The following ERI1 variants were observed in gnomAD, a reference collection of about 807,000 sequenced individuals.
ERI1 encodes exoribonuclease 1, also known as 3'-5' exoribonuclease 1.
In ERI1, 39 loss-of-function variants were observed where a neutral mutation model predicts 39.7. The ratio of observed to expected loss-of-function variants is 0.98; its 90% confidence interval spans 0.76 to 1.28. ERI1 has a LOEUF of 1.28. Among genes scored for constraint, ERI1 ranks in the 50% most tolerant of loss-of-function variants. ERI1 has a pLI of 0.00. For missense variants in ERI1, 581 were observed against 416.9 expected, an observed-to-expected ratio of 1.39 and a Z score of -3.43; for synonymous variants, 204 against 149.6, an observed-to-expected ratio of 1.36 and a Z score of -2.65.
chr8:9,047,934 A>G (rs747893289), intron 3 of ERI1, among the ~76,000 whole-genome samples: 6 of 152,324 alleles, frequency 3.9e-5, no homozygotes, highest in Non-Finnish European at 7.3e-5. Context: ...ATCTCTTCAA[A>G]CAAGTCCAAG....
intron 3 of ERI1, among the ~76,000 whole-genome samples, chr8:9,071,087 C>G (rs1469102507): frequency 6.6e-6 from 1 of 152,150 alleles, no homozygotes; most frequent in Non-Finnish European, 1.5e-5. Flanking sequence ...CTTTCTTGGC[C>G]TGTTTGGAAA....
Position 9,009,232 on chromosome 8 carries a change from A to G in ERI1, c.287+1084A>G, listed in dbSNP as rs111531782. The G allele has an allele frequency of 3.6e-3, 1,260 of 346,464 alleles. 15 individuals carry two copies. Among genetic ancestry groups the G allele is most frequent in the African/African-American group, 0.026 (1,187 of 46,380 alleles). The allele number at this position is 346,464 out of a possible 1,614,324, so 21.5% of individuals were successfully genotyped here. A position where few individuals can be genotyped will look rare whatever the true frequency, so the allele number is the denominator to read the frequency against. The stretch of plus-strand genomic sequence containing the variant: ...AAAGGTAAATACAGATATGTTCCCC[A>G]CTTTGGCAATCTCAGTCTTTTGGGA... On this transcript the variant is annotated intron_variant, in intron 2 of 6. Transcript: ENST00000250263.
Position 9,020,445 on chromosome 8 carries a change from C to T in ERI1, c.788C>T (p.Ser263Leu), listed in dbSNP as rs1289583390. Residue 263 changes from serine to leucine, a missense_variant, in exon 6 of 7, where the codon TCA becomes TTA. Coordinates refer to ENST00000250263, the MANE Select transcript of ERI1 (RefSeq NM_153332.4). ...AAAAAGTGGATCAATATTCGGAAGTCATATGGAAATTTTTACAAGGTAAAA... is the reference window on the plus strand; with the variant it reads ...AAAAAGTGGATCAATATTCGGAAGTTATATGGAAATTTTTACAAGGTAAAA... ...FAKKWINIRK[S>L]YGNFYKVPRS... The T allele has an allele frequency of 1.3e-6, 2 of 1,597,320 alleles. No homozygotes were observed. Among genetic ancestry groups the T allele is most frequent in the Non-Finnish European group, 1.7e-6 (2 of 1,172,360 alleles).
chr8:9,053,216 C>T (rs544938239), intron 3 of ERI1, among the ~76,000 whole-genome samples: 67 of 152,268 alleles, frequency 4.4e-4, no homozygotes, highest in African/African-American at 1.4e-3. Context: ...GGGGTTTTGC[C>T]ATGTTGGCCC....
downstream of ERI1, among the ~76,000 whole-genome samples, chr8:9,037,987 T>G (rs951246743): frequency 6.6e-6 from 1 of 152,044 alleles, no homozygotes; most frequent in Non-Finnish European, 1.5e-5. Context: ...TTTTCAAACT[T>G]TTTTGCACAA....
intron 6 of ERI1, among the ~76,000 whole-genome samples, chr8:9,028,360 C>A (rs905897047): frequency 4.5e-4 from 68 of 152,280 alleles, no homozygotes; most frequent in African/African-American, 1.5e-3. Flanking sequence ...GTTGGGCAAA[C>A]TATTTTTAGA....
intron 3 of ERI1, among the ~76,000 whole-genome samples, chr8:9,065,682 G>A (rs1430621524): frequency 1.4e-4 from 15 of 109,332 alleles, no homozygotes; most frequent in East Asian, 5.3e-4. Flanking sequence ...GCAACAGAGC[G>A]AGACTCCATC....
chr8:9,050,087 C>G (rs1052291634), intron 3 of ERI1, among the ~76,000 whole-genome samples: 10 of 151,900 alleles, frequency 6.6e-5, no homozygotes, highest in Non-Finnish European at 1.5e-4. Context: ...TAATACTATA[C>G]CCCTCACAGT....
chr8:9,005,135 G>C (rs1230239657), intron 1 of ERI1, among the ~76,000 whole-genome samples: 2 of 152,128 alleles, frequency 1.3e-5, no homozygotes, highest in Non-Finnish European at 2.9e-5. Flanking sequence ...GATTTCATCA[G>C]AACTCTCCTT....
Position 9,016,353 on chromosome 8 carries a change from A to G in ERI1, c.530A>G (p.Glu177Gly). ...EDTFQQYVRP[E>G]INTQLSDFCI... ...ACGTTTCAGCAGTATGTAAGACCAGAGATTAACACACAGCTGTCTGATTTC... is the reference window on the plus strand; with the variant it reads ...ACGTTTCAGCAGTATGTAAGACCAGGGATTAACACACAGCTGTCTGATTTC... Residue 177 changes from glutamate (E) to glycine (G), a missense_variant, in exon 4 of 7, where the codon GAG (glutamate) becomes GGG (glycine). Physicochemically the swap from Glu to Gly is moderately conservative, Grantham distance 98. Coordinates refer to ENST00000250263, the MANE Select transcript of ERI1 (RefSeq NM_153332.4). 1 of 1,607,352 alleles carries G rather than the reference A, an allele frequency of 6.2e-7. No homozygotes were observed.
At chr8:9,065,895 C>T (rs925095440) in intron 3 of ERI1, among the ~76,000 whole-genome samples, 1 of 152,092 alleles carries the variant, frequency 6.6e-6, no homozygotes, top group Non-Finnish European at 1.5e-5. Context: ...GAGAGTGTGT[C>T]ACCAGCAGGT....
At chr8:9,047,014 G>A (rs1344175724) in intron 3 of ERI1, among the ~76,000 whole-genome samples, 1 of 152,136 alleles carries the variant, frequency 6.6e-6, no homozygotes, top group Non-Finnish European at 1.5e-5. Flanking sequence ...TTTAGCATAT[G>A]GCAGAAACAA....
intron 3 of ERI1, among the ~76,000 whole-genome samples, chr8:9,046,143 A>T (rs140615264): frequency 0.02 from 3,023 of 152,240 alleles, 50 homozygotes; most frequent in South Asian, 0.073. Context: ...GGCTGAGAGG[A>T]CCGCTGCTGG....
chr8:9,083,381 C>T (rs1379881874), intron 3 of ERI1, among the ~76,000 whole-genome samples: 1 of 152,174 alleles, frequency 6.6e-6, no homozygotes, highest in Non-Finnish European at 1.5e-5. Context: ...AGAAAGCATA[C>T]CATCTAGGGG....
At chr8:9,009,975 A>G (rs1419948450) in intron 2 of ERI1, among the ~76,000 whole-genome samples, 1 of 152,236 alleles carries the variant, frequency 6.6e-6, no homozygotes, top group East Asian at 1.9e-4. Context: ...AGCAGAAGGG[A>G]GCCACTGAAG....
chr8:9,016,498 G>T, intron 4 of ERI1, 93 bp downstream of exon 4: 3 of 627,058 alleles, frequency 4.8e-6, no homozygotes, highest in Non-Finnish European at 2.6e-6. Context: ...TATTACTGTT[G>T]TGAACAATTT....
In ERI1 at chr8:9,068,899, G is replaced by A. The variant is rs569223909; in HGVS notation, n.300-47449G>A. Among the ~76,000 whole-genome samples, 11 of 152,170 alleles carry A rather than the reference G, an allele frequency of 7.2e-5. No homozygotes were observed. The East Asian group carries it at 7.7e-4, about 11-fold the overall frequency. ...TGGTGCAGTCATGGCTGACTGCAGC[G>A]TTGACTCCCTAGGCTCAAGCAATCC... On this transcript the variant is annotated intron_variant and non_coding_transcript_variant, in intron 3 of 3. Transcript: ENST00000518663.
At chr8:9,048,490 C>T (rs992528647) in intron 3 of ERI1, 2 of 154,402 alleles carry the variant, frequency 1.3e-5, no homozygotes, top group Non-Finnish European at 2.9e-5. Context: ...CTTTTCCTTT[C>T]CTCCATCTCC....
At chr8:9,076,418 G>A (rs80081862) in intron 3 of ERI1, among the ~76,000 whole-genome samples, 2,753 of 152,256 alleles carry the variant, frequency 0.018, 42 homozygotes, top group Non-Finnish European at 0.029. Context: ...GCAAACCCAA[G>A]TCAGAATGAG....
Sources: gnomAD v4.1 joint callset for allele counts (sites outside exome capture counted in the v4.1 genomes callset) on GRCh38, gnomAD v4.1.1 for gene constraint, MANE v1.5 for transcripts, NCBI Gene and HGNC (gene_info 2026-07-23, HGNC 2026-07-21) for gene names.